The following AKT1 variants were observed in gnomAD, a reference collection of about 807,000 sequenced individuals.
The protein encoded by AKT1 is RAC-alpha serine/threonine-protein kinase.
A neutral mutation model predicts 63.1 loss-of-function variants in AKT1; 21 were observed. The ratio of observed to expected loss-of-function variants is 0.33; its 90% CI spans 0.24 to 0.48. The LOEUF (loss-of-function observed/expected upper bound fraction) is 0.48, where lower values mean the gene tolerates loss of function less well. Among genes scored for constraint, AKT1 ranks in the 20% least tolerant of loss-of-function variants. The pLI is 0.99. For synonymous variants in AKT1, 257 were observed against 253.1 expected, an observed-to-expected ratio of 1.02 and a Z score of -0.15; for missense variants, 382 against 666.0, an observed-to-expected ratio of 0.57 and a Z score of 4.69.
intron 8 of AKT1, chr14:104,774,272 C>T: frequency 2.1e-6 from 1 of 484,856 alleles, no homozygotes. Context: ...CATGCCACGC[C>T]ACCATCAGGC....
rs1200003171 is a variant in AKT1, at chr14:104,775,122, C to T, written c.521G>A (p.Arg174His). The T allele has an allele frequency of 6.8e-6, 11 of 1,614,014 alleles. No individual in the cohort carries two copies. Among genetic ancestry groups the T allele is most frequent in the East Asian group, 4.5e-5 (2 of 44,896 alleles). ...CTTGAGGATCTTCATGGCGTAGTAG[C>T]GGCCTGTGGCCTTCTCCTTCACCAG... ...VILVKEKATG[R>H]YYAMKILKKE... is the part of the protein sequence containing the mutation. Residue 174 changes from arginine (R) to histidine (H), a missense_variant, in exon 7 of 15, where the codon CGC becomes CAC. Around this residue, in one of 3 missense-constraint regions of AKT1, gnomAD observed 226 missense variants for 366.4 expected, o/e 0.62. Transcript: ENST00000649815.
intron 13 of AKT1, 156 bp downstream of exon 13, chr14:104,772,209 G>T (rs760327294): frequency 3.8e-6 from 3 of 786,914 alleles, no homozygotes; most frequent in Non-Finnish European, 6.4e-6. Context: ...CAGGCGCTGA[G>T]GTTGGTGCAG....
chr14:104,777,148 C>T, intron 4 of AKT1: 1 of 245,248 alleles, frequency 4.1e-6, no homozygotes, highest in Non-Finnish European at 8.1e-6. Flanking sequence ...CCCCAGAAAC[C>T]TGCTTGTCCC....
intron 3 of AKT1, among the ~76,000 whole-genome samples, chr14:104,791,445 C>T (rs1017267798): frequency 2.0e-5 from 3 of 152,116 alleles, no homozygotes; most frequent in Non-Finnish European, 2.9e-5. Flanking sequence ...CGTCTGCAGC[C>T]TCCTTGTCTT....
At chr14:104,784,854 C>T (rs1893252922) in intron 3 of AKT1, among the ~76,000 whole-genome samples, 1 of 152,230 alleles carries the variant, frequency 6.6e-6, no homozygotes. Flanking sequence ...CCCTCCACGT[C>T]CCGGGACTGA....
Position 104,770,265 on chromosome 14 carries a change from C to T in AKT1, c.*76G>A. On this transcript the variant is annotated 3_prime_UTR_variant, in exon 15 of 15. Transcript: ENST00000649815. ...CTCAAATGCACCCGAGAAATAAAAA[C>T]CATTAAATACAGATCATGGCACGAG... 2 of 1,467,502 alleles carry T rather than the reference C, an allele frequency of 1.4e-6. No individual in the cohort carries two copies. The highest frequency in any genetic ancestry group is 1.9e-6 in the Non-Finnish European group (2 of 1,079,720). 90.9% of individuals were successfully genotyped at this position (1,467,502 alleles called of 1,614,324 possible).
chr14:104,772,884 T>C lies in AKT1; in HGVS notation c.1166A>G (p.Lys389Arg), dbSNP rs1390801321. 3 of 1,609,514 alleles carry C rather than the reference T, an allele frequency of 1.9e-6. No individual in the cohort carries two copies. Among genetic ancestry groups the C allele is most frequent in the Admixed American group, 3.3e-5 (2 of 59,908 alleles). Residue 389 changes from lysine to arginine, a missense_variant, in exon 12 of 15, where the codon AAG (lysine) becomes AGG (arginine). Lys to Arg is a conservative substitution (Grantham distance 26). This residue lies in a region of AKT1 where 66 missense variants were observed against 179.1 expected (regional missense o/e 0.37). Coordinates refer to ENST00000649815, the MANE Select transcript of AKT1 (RefSeq NM_001382430.1). Reference protein sequence around the residue: ...LLSGLLKKDPKQRLGGGSEDA... With the variant: ...LLSGLLKKDPRQRLGGGSEDA... ...TGGGATGGGCGGCCCTCACCTCTGC[T>C]TGGGGTCCTTCTTGAGCAGCCCTGA...
intron 3 of AKT1, among the ~76,000 whole-genome samples, chr14:104,787,006 G>A (rs908882667): frequency 2.0e-5 from 3 of 152,090 alleles, no homozygotes; most frequent in African/African-American, 4.8e-5. Flanking sequence ...CTGGGCAGGT[G>A]GGCCCGCCAG....
chr14:104,776,747 G>A lies in AKT1; in HGVS notation c.199C>T (p.Arg67Trp), dbSNP rs762559261. Reference protein sequence around the residue: ...VAQCQLMKTERPRPNTFIIRC... With the variant: ...VAQCQLMKTEWPRPNTFIIRC... ...ATGATGAAGGTGTTGGGCCGGGGCC[G>A]CTCCGTCTTCATCAGCTGGCACTCT... Residue 67 changes from arginine (R) to tryptophan (W), a missense_variant, in exon 5 of 15, where the codon CGG becomes TGG. By Grantham distance (101) the Arg-to-Trp change is moderately radical. Transcript: ENST00000649815. 2.3e-5 allele frequency: 37 copies of A among 1,612,954 alleles called. No homozygotes were observed. Among genetic ancestry groups the A allele is most frequent in the South Asian group, 3.3e-5 (3 of 91,088 alleles).
intron 8 of AKT1, 51 bp from the exon 9 acceptor site, chr14:104,774,031 C>T (rs1217099628): frequency 6.4e-7 from 1 of 1,552,872 alleles, no homozygotes; most frequent in Non-Finnish European, 8.8e-7. Context: ...GACGGCAGCC[C>T]CGCACCACGC....
chr14:104,790,339 C>A (rs969186894), intron 3 of AKT1, among the ~76,000 whole-genome samples: 2 of 152,184 alleles, frequency 1.3e-5, no homozygotes, highest in Admixed American at 6.5e-5. Flanking sequence ...ACAGTCACTG[C>A]GTCCCTCCCT....
intron 4 of AKT1, chr14:104,777,004 C>T (rs1446960237): frequency 4.0e-6 from 2 of 501,102 alleles, no homozygotes; most frequent in Admixed American, 3.5e-5. Context: ...GGGCATCTGG[C>T]CCGGCGTCAG....
chr14:104,775,461 CCA>C (rs1230406668), intron 6 of AKT1, 189 bp downstream of exon 6: 10 of 1,071,058 alleles, frequency 9.3e-6, no homozygotes, highest in South Asian at 1.7e-5. Context: ...CTCAGCAACC[CCA>C]GTTTTCCTCT....
chr14:104,775,870 C>G, intron 5 of AKT1, 71 bp from the exon 6 acceptor site: 1 of 1,543,376 alleles, frequency 6.5e-7, no homozygotes, highest in African/African-American at 1.4e-5. Context: ...TTCACCCACC[C>G]GCCAGCCTCA....
At chr14:104,788,417 C>T (rs1277539419) in intron 3 of AKT1, among the ~76,000 whole-genome samples, 3 of 152,192 alleles carry the variant, frequency 2.0e-5, no homozygotes, top group African/African-American at 7.2e-5. Context: ...CGGGGCCCTC[C>T]GCAGCAGCTG....
chr14:104,780,713 G>GC (rs35707077), intron 3 of AKT1, among the ~76,000 whole-genome samples: 28,721 of 150,582 alleles, frequency 0.19, 4,468 homozygotes, highest in African/African-American at 0.44. Flanking sequence ...CAGCATGGCC[G>GC]CCCCCCCCGC....
rs1259573660 is a variant in AKT1 at position 104,795,300 on chromosome 14, C to G, written c.-258+184G>C. On this transcript the variant is annotated intron_variant, in intron 1 of 14. Transcript: ENST00000649815. This position sits in a 1 kb window ranked among gnomAD's most constrained non-coding sequence, Gnocchi z 5.1. ...CCGGCGCCCGGCGTGGGGCCGCCCT[C>G]CCTTGGCCGGGCCCGCGCGCCCCGC... Among the ~76,000 whole-genome samples, 1 of 150,428 alleles carries G rather than the reference C, an allele frequency of 6.6e-6. No homozygotes were observed. The highest frequency in any genetic ancestry group is 1.5e-5 in the Non-Finnish European group (1 of 67,418).
At position 104,780,221 on chromosome 14, in the gene AKT1, A is replaced by G. The variant is rs746664907; in HGVS notation, c.47-5T>C. 3.7e-6 allele frequency: 6 copies of G among 1,612,894 alleles called. No homozygotes were observed. Among genetic ancestry groups the G allele is most frequent in the Non-Finnish European group, 5.1e-6 (6 of 1,179,734 alleles). ...GCCAGGTCTTGATGTACTCCCCTACAGACGTGCGGGTGGTGAGAGCCACGC... is the reference window on the plus strand; with the variant it reads ...GCCAGGTCTTGATGTACTCCCCTACGGACGTGCGGGTGGTGAGAGCCACGC... On this transcript the variant is annotated splice_polypyrimidine_tract_variant and splice_region_variant and intron_variant, in intron 3 of 14. Transcript: ENST00000649815.
intron 3 of AKT1, among the ~76,000 whole-genome samples, chr14:104,784,489 C>T (rs1035377104): frequency 4.6e-5 from 7 of 152,218 alleles, no homozygotes; most frequent in South Asian, 2.1e-4. Context: ...TCTGGCATCC[C>T]GATGTCCCGG....
Sources: allele counts gnomAD v4.1 joint callset (sites outside exome capture counted in the v4.1 genomes callset), GRCh38; gene constraint gnomAD v4.1.1; regional missense constraint gnomAD v4.1.1; non-coding constraint Gnocchi (gnomAD v3.1); transcripts MANE v1.5; gene names NCBI Gene and HGNC (gene_info 2026-07-23, HGNC 2026-07-21).